Variants in GREB1L observed in about 807,000 individuals in gnomAD.
The protein encoded by GREB1L is GREB1 like retinoic acid receptor coactivator, also known as GREB1-like protein.
In GREB1L, 17 loss-of-function variants were observed where a neutral mutation model predicts 200.8. The ratio of observed to expected loss-of-function variants is 0.08; its 90% confidence interval spans 0.06 to 0.13. The LOEUF (loss-of-function observed/expected upper bound fraction) is 0.13. Ranked by LOEUF, GREB1L falls within the 10% of genes least tolerant of loss-of-function variation. The pLI is 1.00. For synonymous variants in GREB1L, 789 were observed against 893.0 expected (o/e 0.88, Z 2.08); for missense variants, 1,657 against 2,367.7 (o/e 0.70, Z 6.23).
At chr18:21,292,491 C>G (rs900400400) in intron 1 of GREB1L, among the ~76,000 whole-genome samples, 3 of 152,198 alleles carry the variant, frequency 2.0e-5, no homozygotes, top group African/African-American at 7.2e-5. Context: ...CCAAAAGAAA[C>G]CCCGTACTCG....
At chr18:21,287,141 A>AT (rs2038370662) in intron 1 of GREB1L, among the ~76,000 whole-genome samples, 1 of 152,102 alleles carries the variant, frequency 6.6e-6, no homozygotes, top group Admixed American at 6.6e-5. Context: ...ATTATATAGG[A>AT]ATTTTTTTTT....
At position 21,274,932 on chromosome 18, in the gene GREB1L, C is replaced by A. The variant is rs577600247; in HGVS notation, c.-120+32539C>A. Among the ~76,000 whole-genome samples the A allele has an allele frequency of 7.9e-5, 12 of 151,646 alleles. No individual in the cohort carries two copies. The East Asian group carries it at 2.1e-3, about 27-fold the overall frequency. On this transcript the variant is annotated intron_variant, in intron 1 of 32. Coordinates refer to ENST00000424526, the MANE Select transcript of GREB1L (RefSeq NM_001142966.3). ...ATTTAAAAAATTTTAAAATACCACA[C>A]TTGTAATAACAATGAAAAAAATAAA...
intron 7 of GREB1L, among the ~76,000 whole-genome samples, chr18:21,428,330 G>GTTTTTTTTT (rs1460650679): frequency 6.3e-5 from 3 of 47,970 alleles, no homozygotes; most frequent in Non-Finnish European, 8.3e-5. Flanking sequence ...TTGTCTTTTT[G>GTTTTTTTTT]TCTTTTTTTT....
At chr18:21,323,828 CATT>C (rs1336831552) in intron 1 of GREB1L, among the ~76,000 whole-genome samples, 2 of 152,120 alleles carry the variant, frequency 1.3e-5, no homozygotes, top group East Asian at 1.9e-4. Context: ...TGCTCTCACA[CATT>C]GTTGGTGGGA....
At chr18:21,254,256 G>A (rs1309422435) in intron 1 of GREB1L, among the ~76,000 whole-genome samples, 2 of 151,690 alleles carry the variant, frequency 1.3e-5, no homozygotes, top group African/African-American at 4.8e-5. Context: ...TTTTAGTACA[G>A]ACAGGGTTTC....
At chr18:21,373,344 C>T (rs1156494222) in intron 2 of GREB1L, among the ~76,000 whole-genome samples, 1 of 152,110 alleles carries the variant, frequency 6.6e-6, no homozygotes, top group African/African-American at 2.4e-5. Flanking sequence ...CCCCCTGCCT[C>T]CTTTTTTTTC....
intron 1 of GREB1L, among the ~76,000 whole-genome samples, chr18:21,309,762 G>A (rs969941352): frequency 1.3e-5 from 2 of 151,876 alleles, no homozygotes; most frequent in African/African-American, 2.4e-5. Context: ...ACCCATAGCT[G>A]TATGGTTTCA....
intron 1 of GREB1L, among the ~76,000 whole-genome samples, chr18:21,357,671 C>G (rs1279646907): frequency 6.6e-6 from 1 of 152,144 alleles, no homozygotes; most frequent in Admixed American, 6.5e-5. Context: ...GATCTAATTT[C>G]ATTGTTTTGC....
chr18:21,472,951 C>T (rs2035540073), intron 15 of GREB1L, 80 bp from the exon 16 acceptor site: 1 of 982,162 alleles, frequency 1.0e-6, no homozygotes, highest in African/African-American at 1.7e-5. Context: ...TGTCAGCTGA[C>T]AATGAACTCA....
chr18:21,322,024 C>A (rs1393947703), intron 1 of GREB1L, among the ~76,000 whole-genome samples: 5 of 151,126 alleles, frequency 3.3e-5, no homozygotes, highest in African/African-American at 7.3e-5. Context: ...CAATAAAGTT[C>A]AAAAAAAATT....
intron 1 of GREB1L, among the ~76,000 whole-genome samples, chr18:21,292,481 C>G (rs1351285908): frequency 6.6e-6 from 1 of 152,214 alleles, no homozygotes; most frequent in African/African-American, 2.4e-5. Flanking sequence ...TTCATCACCC[C>G]CAAAAGAAAC....
Position 21,383,510 on chromosome 18 carries a change from GT to G in GREB1L, c.-8del. On this transcript the variant is annotated splice_region_variant and 5_prime_UTR_variant, in exon 3 of 33. Transcript: ENST00000424526. ...TCTTCTTTTTCTTGGGGATGGGTAGGTGTAGATCATGGGGAATTCATATGCT... is the reference window on the plus strand; with the variant it reads ...TCTTCTTTTTCTTGGGGATGGGTAGGGTAGATCATGGGGAATTCATATGCT... 1 of 1,530,172 alleles carries G rather than the reference GT, an allele frequency of 6.5e-7. No homozygotes were observed. Among genetic ancestry groups the G allele is most frequent in the Non-Finnish European group, 8.8e-7 (1 of 1,139,966 alleles). The allele number at this position is 1,530,172 out of a possible 1,614,324, so 94.8% of individuals were successfully genotyped here.
At chr18:21,243,660 CTT>C (rs1305526509) in intron 1 of GREB1L, among the ~76,000 whole-genome samples, 3 of 152,142 alleles carry the variant, frequency 2.0e-5, no homozygotes, top group Admixed American at 2.0e-4. Context: ...TGGAACTCTG[CTT>C]TGAGTGTTGT....
At position 21,515,431 on chromosome 18, in the gene GREB1L, T is replaced by C; in HGVS notation, c.4916T>C (p.Val1639Ala). ...VQEPSSQPME[V>A]GVSSKNVSLK... is the part of the protein sequence containing the mutation. ...ATATTTCATAGCCAGCCCATGGAAG[T>C]AGGAGTTTCCAGTAAGAATGTGTCC... The change falls in exon 29 of 33, where the codon GTA becomes GCA. Residue 1639 changes from valine to alanine, a missense_variant. Val to Ala is a moderately conservative substitution (Grantham distance 64). Transcript: ENST00000424526. 6.5e-7 allele frequency: 1 copy of C among 1,550,088 alleles called. No homozygotes were observed. Among genetic ancestry groups the C allele is most frequent in the Non-Finnish European group, 8.7e-7 (1 of 1,145,528 alleles).
At chr18:21,278,690 G>A (rs534137203) in intron 1 of GREB1L, among the ~76,000 whole-genome samples, 98 of 152,100 alleles carry the variant, frequency 6.4e-4, no homozygotes, top group Non-Finnish European at 1.3e-3. Flanking sequence ...CCAGTCATGT[G>A]GTAGATGTGT....
intron 15 of GREB1L, among the ~76,000 whole-genome samples, chr18:21,456,441 A>G (rs2034768769): frequency 2.0e-5 from 3 of 152,224 alleles, no homozygotes; most frequent in Non-Finnish European, 2.9e-5. Flanking sequence ...CATATGCTCC[A>G]TAAATATATA....
In GREB1L at chr18:21,523,546, GT is replaced by G. The variant is rs1568084810; in HGVS notation, c.*726del. On this transcript the variant is annotated 3_prime_UTR_variant, in exon 33 of 33. Transcript: ENST00000424526. ...CCTTTGCTTTACCCACTCTTTAAAT[GT>G]GTTTCCAGTCTTTAAGAATATCTTA... The G allele has an allele frequency of 6.6e-6, 1 of 152,150 alleles. No homozygotes were observed. The highest frequency in any genetic ancestry group is 6.5e-5 in the Admixed American group (1 of 15,276). 9.4% of individuals were successfully genotyped at this position (152,150 alleles called of 1,614,324 possible). A position where few individuals can be genotyped will look rare whatever the true frequency, so the allele number is the denominator to read the frequency against.
Position 21,522,837 on chromosome 18 carries a change from A to G in GREB1L, c.*16A>G, listed in dbSNP as rs559968837. The G allele has an allele frequency of 6.5e-6, 10 of 1,531,174 alleles. No individual in the cohort carries two copies. In the South Asian group the frequency reaches 1.1e-4, roughly 17 times the overall value. The allele number at this position is 1,531,174 out of a possible 1,614,324, so 94.8% of individuals were successfully genotyped here. A position where few individuals can be genotyped will look rare whatever the true frequency, so the allele number is the denominator to read the frequency against. ...TCATGTATGAGCTTTTGAAGAGACCAAAACAGCAAAAAGATGCCTAGGTGG... is the reference window on the plus strand; with the variant it reads ...TCATGTATGAGCTTTTGAAGAGACCGAAACAGCAAAAAGATGCCTAGGTGG... On this transcript the variant is annotated 3_prime_UTR_variant, in exon 33 of 33. Transcript: ENST00000424526.
At chr18:21,337,506 A>G (rs567255353) in intron 1 of GREB1L, among the ~76,000 whole-genome samples, 1 of 152,262 alleles carries the variant, frequency 6.6e-6, no homozygotes, top group South Asian at 2.1e-4. Flanking sequence ...CGGCCTTTCA[A>G]AACTCTCTGG....
Sources: gnomAD v4.1 joint callset for allele counts (sites outside exome capture counted in the v4.1 genomes callset) on GRCh38, gnomAD v4.1.1 for gene constraint, MANE v1.5 for transcripts, NCBI Gene and HGNC (gene_info 2026-07-23, HGNC 2026-07-21) for gene names.